STX1A: variants seen among roughly 807,000 people sequenced by gnomAD.
The protein encoded by STX1A is syntaxin-1A.
Under a neutral mutation model 37.8 loss-of-function variants are expected in STX1A, and 4 were observed. The ratio of observed to expected loss-of-function variants is 0.11; its 90% confidence interval spans 0.05 to 0.24. The LOEUF (loss-of-function observed/expected upper bound fraction) is 0.24. Ranked by LOEUF, STX1A falls within the 10% of genes least tolerant of loss-of-function variation. The pLI is 1.00. For missense variants in STX1A, 251 were observed against 399.9 expected (o/e 0.63, Z 3.18); for synonymous variants, 135 against 147.4 (o/e 0.92, Z 0.61).
rs1420425865 is a variant in STX1A, at chr7:73,706,550, G to GCTGTTGA, written c.209-1327_209-1326insTCAACAG. On this transcript the variant is annotated intron_variant, in intron 3 of 9. Transcript: ENST00000222812. The surrounding 1 kb of genome is among the most constrained non-coding windows in gnomAD (Gnocchi z 4.6). ...GACTCCGCCAGGTCTCAACTGCTCA[G>GCTGTTGA]CTCACGGGTGGTGACTCAGAACCGG... 2.6e-5 allele frequency among the ~76,000 whole-genome samples: 4 copies of GCTGTTGA among 152,128 alleles called. No homozygotes were observed. The highest frequency in any genetic ancestry group is 2.0e-4 in the Admixed American group (3 of 15,276).
intron 1 of STX1A, among the ~76,000 whole-genome samples, chr7:73,714,269 G>A (rs891606432): frequency 2.0e-5 from 3 of 151,564 alleles, no homozygotes; most frequent in East Asian, 3.9e-4. Flanking sequence ...CACCACACCC[G>A]GCTAGTTTTT....
At position 73,719,618 on chromosome 7, in the gene STX1A, G is replaced by A; in HGVS notation, c.14C>T (p.Thr5Ile). MKDR[T>I]QELRTAKDSD... ...CGGACTCACCGTGCGGAGCTCCTGG[G>A]TTCGGTCCTTCATGCTCCCGGGAGT... The change falls in exon 1 of 10, where the codon ACC becomes ATC. Residue 5 changes from threonine (T) to isoleucine (I), a missense_variant. Thr to Ile is a moderately conservative substitution (Grantham distance 89). This residue lies in a region of STX1A where 37 missense variants were observed against 32.3 expected (regional missense o/e 1.15). Coordinates refer to ENST00000222812, the MANE Select transcript of STX1A (RefSeq NM_004603.4). 8.3e-7 allele frequency: 1 copy of A among 1,204,148 alleles called. No individual in the cohort carries two copies. Among genetic ancestry groups the A allele is most frequent in the Non-Finnish European group, 1.0e-6 (1 of 964,794 alleles). The allele number at this position is 1,204,148 out of a possible 1,614,324, so 74.6% of individuals were successfully genotyped here.
In STX1A at chr7:73,709,099, A is replaced by T; in HGVS notation, c.54T>A (p.Asp18Glu). Residue 18 changes from aspartate (D) to glutamate (E), a missense_variant, in exon 2 of 10, where the codon GAT becomes GAA. Around this residue, in one of 2 missense-constraint regions of STX1A, gnomAD observed 37 missense variants for 32.3 expected, o/e 1.15. Transcript: ENST00000222812. This position sits in a 1 kb window ranked among gnomAD's most constrained non-coding sequence, Gnocchi z 4.2. ...LRTAKDSDDD[D>E]DVAVTVDRDR... ...CTCGGTCCACGGTGACAGCGACATCATCATCATCATCGCTGTCCTTGGCCT... is the reference window on the plus strand; with the variant it reads ...CTCGGTCCACGGTGACAGCGACATCTTCATCATCATCGCTGTCCTTGGCCT... 4 of 1,613,854 alleles carry T rather than the reference A, an allele frequency of 2.5e-6. No individual in the cohort carries two copies. Among genetic ancestry groups the T allele is most frequent in the Non-Finnish European group, 3.4e-6 (4 of 1,180,004 alleles).
At chr7:73,715,566 T>C (rs577260377) in intron 1 of STX1A, among the ~76,000 whole-genome samples, 1 of 152,262 alleles carries the variant, frequency 6.6e-6, no homozygotes, top group African/African-American at 2.4e-5. Context: ...GAGCTTCCCC[T>C]GGCAGAGGTG....
rs1554616162 is a variant in STX1A, at chr7:73,703,013, G to A, written c.541-31C>T. 3 of 1,553,528 alleles carry A rather than the reference G, an allele frequency of 1.9e-6. No individual in the cohort carries two copies. In the Admixed American group the frequency reaches 5.2e-5, roughly 27 times the overall value. Reference sequence around the variant, plus strand: ...GGTGGGAGCAGGGGGCTGGGACCCAGAGGCTTGCTGAGGGGCAGGGCAGAG... The same window carrying A: ...GGTGGGAGCAGGGGGCTGGGACCCAAAGGCTTGCTGAGGGGCAGGGCAGAG... On this transcript the variant is annotated intron_variant, in intron 7 of 9. Transcript: ENST00000222812.
At chr7:73,704,051 T>C in intron 6 of STX1A, 97 bp downstream of exon 6, 1 of 1,248,820 alleles carries the variant, frequency 8.0e-7, no homozygotes, top group Non-Finnish European at 1.1e-6. Flanking sequence ...CTCGGGCCCC[T>C]AACTAAGCAG....
intron 1 of STX1A, 60 bp downstream of exon 1, chr7:73,719,542 G>C (rs1312334594): frequency 9.2e-6 from 11 of 1,196,950 alleles, no homozygotes; most frequent in Admixed American, 4.5e-5. Context: ...GGCGGGAAGT[G>C]TCCGGCGCGT....
chr7:73,708,385 G>A (rs1418938984), intron 3 of STX1A, among the ~76,000 whole-genome samples: 2 of 152,120 alleles, frequency 1.3e-5, no homozygotes, highest in African/African-American at 4.8e-5. Flanking sequence ...GGCCTGGGAT[G>A]CTGGGTACTG....
chr7:73,712,281 CT>C (rs1237818656), intron 1 of STX1A, among the ~76,000 whole-genome samples: 2 of 152,072 alleles, frequency 1.3e-5, no homozygotes, highest in Non-Finnish European at 2.9e-5. Flanking sequence ...ACCCCCAGCT[CT>C]GCTCTTTATC....
At position 73,717,028 on chromosome 7, in the gene STX1A, T is replaced by G. The variant is rs1194404895; in HGVS notation, c.30+2574A>C. Among the ~76,000 whole-genome samples the G allele has an allele frequency of 6.6e-6, 1 of 152,146 alleles. No individual in the cohort carries two copies. Among genetic ancestry groups the G allele is most frequent in the African/African-American group, 2.4e-5 (1 of 41,430 alleles). ...CCAGTGACCCCCTTCACTCCCCATCTGCAGAGGGAGAGTTGGGAGCTGGAG... is the reference window on the plus strand; with the variant it reads ...CCAGTGACCCCCTTCACTCCCCATCGGCAGAGGGAGAGTTGGGAGCTGGAG... On this transcript the variant is annotated intron_variant, in intron 1 of 9. Transcript: ENST00000222812. This position sits in a 1 kb window ranked among gnomAD's most constrained non-coding sequence, Gnocchi z 4.1.
At chr7:73,712,509 C>A (rs897918012) in intron 1 of STX1A, among the ~76,000 whole-genome samples, 1 of 152,110 alleles carries the variant, frequency 6.6e-6, no homozygotes, top group Non-Finnish European at 1.5e-5. Flanking sequence ...TTCTTCCACA[C>A]GCCATTCACA....
Position 73,700,902 on chromosome 7 carries a change from G to C in STX1A, c.679-62C>G. ...CCTCCTCAGGGTTGGGTTGGGGCTC[G>C]GGGCAGGACTTCAGGAAAGCACCCT... On this transcript the variant is annotated intron_variant, in intron 8 of 9. Coordinates refer to ENST00000222812, the MANE Select transcript of STX1A (RefSeq NM_004603.4). This position sits in a 1 kb window ranked among gnomAD's most constrained non-coding sequence, Gnocchi z 4.4. 1.2e-6 allele frequency: 2 copies of C among 1,601,630 alleles called. No individual in the cohort carries two copies. The highest frequency in any genetic ancestry group is 2.2e-5 in the South Asian group (2 of 90,678).
Position 73,700,609 on chromosome 7 carries a change from G to A in STX1A, c.789+121C>T, listed in dbSNP as rs782762786. 10 of 1,499,388 alleles carry A rather than the reference G, an allele frequency of 6.7e-6. No homozygotes were observed. The highest frequency in any genetic ancestry group is 1.7e-4 in the Middle Eastern group (1 of 5,836). 92.9% of individuals were successfully genotyped at this position (1,499,388 alleles called of 1,614,324 possible). ...AGCAGGGGAAGGTGACGGCCTGGGA[G>A]GGGGCTGTCATGGGGAGCTCCTGAG... On this transcript the variant is annotated intron_variant, in intron 9 of 9. Coordinates refer to ENST00000222812, the MANE Select transcript of STX1A (RefSeq NM_004603.4). The surrounding 1 kb of genome is among the most constrained non-coding windows in gnomAD (Gnocchi z 4.4).
chr7:73,701,107 C>T, intron 8 of STX1A: 2 of 629,824 alleles, frequency 3.2e-6, no homozygotes, highest in South Asian at 3.9e-5. Context: ...GGGTTGGGGA[C>T]CATGCAGAGA....
chr7:73,713,713 G>A (rs181631700), intron 1 of STX1A, among the ~76,000 whole-genome samples: 168 of 152,348 alleles, frequency 1.1e-3, no homozygotes, highest in African/African-American at 3.7e-3. Flanking sequence ...TTAGGTGACA[G>A]AGCAAGATCC....
rs35143964 is a variant in STX1A at position 73,700,884 on chromosome 7, AG to A, written c.679-45del. The A allele has an allele frequency of 6.2e-7, 1 of 1,608,548 alleles. No homozygotes were observed. Among genetic ancestry groups the A allele is most frequent in the Non-Finnish European group, 8.5e-7 (1 of 1,179,524 alleles). ...CCGAGCTCCAGAGGGCCCCCTCCTC[AG>A]GGTTGGGTTGGGGCTCGGGGCAGGA... is the stretch of plus-strand genomic sequence containing the variant. On this transcript the variant is annotated intron_variant, in intron 8 of 9. Transcript: ENST00000222812. The surrounding 1 kb of genome is among the most constrained non-coding windows in gnomAD (Gnocchi z 4.4).
chr7:73,708,827 G>T, intron 2 of STX1A, 139 bp from the exon 3 acceptor site: 1 of 960,652 alleles, frequency 1.0e-6, no homozygotes, highest in Non-Finnish European at 1.6e-6. Context: ...GTGCAGTGGG[G>T]GTGCATCCTT....
chr7:73,705,059 C>T lies in STX1A; in HGVS notation c.283+91G>A, dbSNP rs538010651. ...TCAGAAAGGAAAGCAAGATCCGGCG[C>T]ACCCCCTCAGGGCGAGCAAAACCCC... On this transcript the variant is annotated intron_variant, in intron 4 of 9. Transcript: ENST00000222812. This position sits in a 1 kb window ranked among gnomAD's most constrained non-coding sequence, Gnocchi z 5.2. 204 of 1,245,926 alleles carry T rather than the reference C, an allele frequency of 1.6e-4. 2 individuals are homozygous for T. Among genetic ancestry groups the T allele is most frequent in the Admixed American group, 1.3e-3 (73 of 58,156 alleles). The allele number at this position is 1,245,926 out of a possible 1,614,324, so 77.2% of individuals were successfully genotyped here. A position where few individuals can be genotyped will look rare whatever the true frequency, so the allele number is the denominator to read the frequency against.
rs1326590430 is a variant in STX1A at position 73,709,212 on chromosome 7, C to A, written c.31-90G>T. 7.0e-6 allele frequency: 9 copies of A among 1,282,378 alleles called. No individual in the cohort carries two copies. Among genetic ancestry groups the A allele is most frequent in the Non-Finnish European group, 1.0e-5 (9 of 899,766 alleles). 79.4% of individuals were successfully genotyped at this position (1,282,378 alleles called of 1,614,324 possible). On this transcript the variant is annotated intron_variant, in intron 1 of 9. Coordinates refer to ENST00000222812, the MANE Select transcript of STX1A (RefSeq NM_004603.4). This position sits in a 1 kb window ranked among gnomAD's most constrained non-coding sequence, Gnocchi z 4.2. ...CCCAGGGTACAGCGCCAGGGCCCTGCCCCTCCCCCTCTCCCTGGGGGCCTC... is the reference window on the plus strand; with the variant it reads ...CCCAGGGTACAGCGCCAGGGCCCTGACCCTCCCCCTCTCCCTGGGGGCCTC...
Sources: gnomAD v4.1 joint callset for allele counts (sites outside exome capture counted in the v4.1 genomes callset) on GRCh38, gnomAD v4.1.1 for gene constraint, gnomAD v4.1.1 regional missense constraint, Gnocchi (gnomAD v3.1) non-coding constraint, MANE v1.5 for transcripts, NCBI Gene and HGNC (gene_info 2026-07-23, HGNC 2026-07-21) for gene names.